The following CREBZF variants were observed in gnomAD, a reference collection of about 807,000 sequenced individuals.
CREBZF encodes the protein HCF-binding transcription factor Zhangfei.
CREBZF carries 8 observed loss-of-function variants against 21.1 expected under a neutral mutation model. The observed-to-expected ratio is 0.38, with a 90% CI of 0.22 to 0.68. The LOEUF (loss-of-function observed/expected upper bound fraction) is 0.68. CREBZF is among the 30% of genes least tolerant of loss of function. The pLI is 0.51. For missense variants in CREBZF, 518 were observed against 484.3 expected, an observed-to-expected ratio of 1.07 and a Z score of -0.65; for synonymous variants, 270 against 223.3, an observed-to-expected ratio of 1.21 and a Z score of -1.86.
intron 1 of CREBZF, among the ~76,000 whole-genome samples, chr11:85,671,754 G>C (rs927071023): frequency 6.6e-6 from 1 of 152,234 alleles, no homozygotes; most frequent in Admixed American, 6.5e-5. Flanking sequence ...CCACGGTCTT[G>C]GGCAGCTCCA....
chr11:85,660,319 T>C lies in CREBZF; in HGVS notation c.*3492A>G, dbSNP rs1161967647. 1 of 199,494 alleles carries C rather than the reference T, an allele frequency of 5.0e-6. No individual in the cohort carries two copies. Among genetic ancestry groups the C allele is most frequent in the South Asian group, 7.0e-5 (1 of 14,244 alleles). The allele number at this position is 199,494 out of a possible 1,614,324, so 12.4% of individuals were successfully genotyped here. A position where few individuals can be genotyped will look rare whatever the true frequency, so the allele number is the denominator to read the frequency against. ...AAGATATGCAATAACTGAGTATCAC[T>C]CCCATGAAAGACAAAAAAAGTATAA... On this transcript the variant is annotated 3_prime_UTR_variant, in exon 1 of 1. Coordinates refer to ENST00000527447, the MANE Select transcript of CREBZF (RefSeq NM_001039618.4).
At position 85,670,554 on chromosome 11, in the gene CREBZF, G is replaced by A. The variant is rs147764531; in HGVS notation, n.148-6953C>T. Reference sequence around the variant, plus strand: ...CCTGACCTCGTGATCCACCCGCCTCGGCCTTCCAAAGTGCTGGATTACAGG... The same window carrying A: ...CCTGACCTCGTGATCCACCCGCCTCAGCCTTCCAAAGTGCTGGATTACAGG... On this transcript the variant is annotated intron_variant and non_coding_transcript_variant, in intron 1 of 3. Transcript: ENST00000531515. Among the ~76,000 whole-genome samples, 800 of 152,086 alleles carry A rather than the reference G, an allele frequency of 5.3e-3. 3 individuals are homozygous for A. Among genetic ancestry groups the A allele is most frequent in the African/African-American group, 0.017 (716 of 41,484 alleles).
intron 1 of CREBZF, among the ~76,000 whole-genome samples, chr11:85,677,527 T>A (rs1360260815): frequency 2.0e-5 from 3 of 152,216 alleles, no homozygotes; most frequent in Non-Finnish European, 4.4e-5. Context: ...CTATTGAATG[T>A]CCCATATTCT....
At chr11:85,670,278 C>G (rs1352411330) in intron 1 of CREBZF, among the ~76,000 whole-genome samples, 2 of 119,882 alleles carry the variant, frequency 1.7e-5, no homozygotes, top group African/African-American at 6.2e-5. Flanking sequence ...AATCCCCCCC[C>G]CCCACAATAA....
At position 85,659,048 on chromosome 11, in the gene CREBZF, A is replaced by G. The variant is rs575609180; in HGVS notation, c.*4763T>C. On this transcript the variant is annotated 3_prime_UTR_variant, in exon 1 of 1. Transcript: ENST00000527447. ...TACTGTGCTGGCCACACAACACTAC[A>G]AATTTCTAATGGAAGAATTCCCTTT... Among the ~76,000 whole-genome samples, 1 of 152,186 alleles carries G rather than the reference A, an allele frequency of 6.6e-6. No homozygotes were observed. The highest frequency in any genetic ancestry group is 1.9e-4 in the East Asian group (1 of 5,194).
intron 1 of CREBZF, among the ~76,000 whole-genome samples, chr11:85,681,037 T>A (rs1194967765): frequency 6.6e-6 from 1 of 152,202 alleles, no homozygotes; most frequent in Non-Finnish European, 1.5e-5. Context: ...CAACATGCCC[T>A]ATGAAGAAGC....
chr11:85,681,505 C>G (rs894048529), intron 1 of CREBZF, among the ~76,000 whole-genome samples: 3 of 152,200 alleles, frequency 2.0e-5, no homozygotes, highest in Non-Finnish European at 4.4e-5. Context: ...TTTTCAAGCT[C>G]TCTTTCATAA....
In CREBZF at chr11:85,663,147, T is replaced by G. The variant is rs1245679754; in HGVS notation, c.*664A>C. 4.8e-6 allele frequency: 1 copy of G among 207,636 alleles called. No homozygotes were observed. The highest frequency in any genetic ancestry group is 5.3e-5 in the Admixed American group (1 of 18,824). The allele number at this position is 207,636 out of a possible 1,614,324, so 12.9% of individuals were successfully genotyped here. A position where few individuals can be genotyped will look rare whatever the true frequency, so the allele number is the denominator to read the frequency against. On this transcript the variant is annotated 3_prime_UTR_variant, in exon 1 of 1. Transcript: ENST00000527447. ...TAAAATCGGAATTCCAATTTGCACC[T>G]TGTACAACTCGGAACTTCCATTCAA...
chr11:85,668,983 C>CA (rs2082890859), upstream of CREBZF, among the ~76,000 whole-genome samples: 2 of 92,462 alleles, frequency 2.2e-5, no homozygotes, highest in Admixed American at 3.2e-4. Context: ...GCCTGGGCGA[C>CA]AGAGCGAGAC....
intron 1 of CREBZF, among the ~76,000 whole-genome samples, chr11:85,670,380 T>G (rs1288138605): frequency 1.5e-5 from 2 of 130,624 alleles, no homozygotes; most frequent in Non-Finnish European, 1.6e-5. Flanking sequence ...CTCTGCTCAC[T>G]GCAAACTCCA....
chr11:85,663,685 G>A lies in CREBZF; in HGVS notation c.*126C>T. 8 of 1,610,024 alleles carry A rather than the reference G, an allele frequency of 5.0e-6. No homozygotes were observed. The highest frequency in any genetic ancestry group is 6.8e-6 in the Non-Finnish European group (8 of 1,178,320). On this transcript the variant is annotated 3_prime_UTR_variant, in exon 1 of 1. Coordinates refer to ENST00000527447, the MANE Select transcript of CREBZF (RefSeq NM_001039618.4). ...TCATGCTTTTAGCTAAACACTTTAA[G>A]ATTCAATATTACTTTTTTTCTCTCC...
intron 1 of CREBZF, among the ~76,000 whole-genome samples, chr11:85,673,159 G>A (rs555600065): frequency 2.0e-5 from 3 of 152,180 alleles, no homozygotes; most frequent in Non-Finnish European, 4.4e-5. Flanking sequence ...ATGAATCCAA[G>A]TCTATCAGAT....
At chr11:85,667,835 T>C (rs2082883030), upstream of CREBZF, among the ~76,000 whole-genome samples, 1 of 152,138 alleles carries the variant, frequency 6.6e-6, no homozygotes, top group South Asian at 2.1e-4. Flanking sequence ...CCAGGTATGG[T>C]GGCACATGCC....
chr11:85,664,435 A>G lies in CREBZF; in HGVS notation c.441T>C (p.Asp147=), dbSNP rs2082791669. ...SDSGGLWRGD[D]DDEAAAAEMQ... The stretch of plus-strand genomic sequence containing the variant: ...TTTCAGCAGCCGCGGCCTCATCGTC[A>G]TCGTCCCCTCTCCACAGGCCGCCGC... Residue 147 remains aspartate, a synonymous_variant, in exon 1 of 1, where the codon GAT becomes GAC. Transcript: ENST00000527447. This position sits in a 1 kb window ranked among gnomAD's most constrained non-coding sequence, Gnocchi z 5.5. The G allele has an allele frequency of 6.2e-7, 1 of 1,613,548 alleles. No homozygotes were observed. The highest frequency in any genetic ancestry group is 8.5e-7 in the Non-Finnish European group (1 of 1,179,958).
rs1565808988 is a variant in CREBZF, at chr11:85,664,228, G to GGAC, written c.647_648insGTC (p.Ala216_Ala217insSer). The GGAC allele has an allele frequency of 6.2e-7, 1 of 1,612,456 alleles. No homozygotes were observed. Among genetic ancestry groups the GGAC allele is most frequent in the Non-Finnish European group, 8.5e-7 (1 of 1,179,734 alleles). ...TCTTCAGTCGATTAAGGCGGGCAGCGGCCGCCGCCGCCTTCCGGGGACTCT... is the reference window on the plus strand; with the variant it reads ...TCTTCAGTCGATTAAGGCGGGCAGCGGACGCCGCCGCCGCCTTCCGGGGACTCT... On this transcript the variant is annotated inframe_insertion, in exon 1 of 1. Coordinates refer to ENST00000527447, the MANE Select transcript of CREBZF (RefSeq NM_001039618.4). The surrounding 1 kb of genome is among the most constrained non-coding windows in gnomAD (Gnocchi z 5.5).
chr11:85,676,995 A>G (rs1002970908), intron 1 of CREBZF, among the ~76,000 whole-genome samples: 2 of 76,710 alleles, frequency 2.6e-5, no homozygotes, highest in African/African-American at 1.1e-4. Flanking sequence ...ACAGAATGTC[A>G]CTCTGTCACC....
In CREBZF at chr11:85,662,681, A is replaced by G; in HGVS notation, c.*1130T>C. 2.6e-6 allele frequency: 1 copy of G among 391,964 alleles called. No individual in the cohort carries two copies. The highest frequency in any genetic ancestry group is 9.4e-5 in the South Asian group (1 of 10,608). The allele number at this position is 391,964 out of a possible 1,614,324, so 24.3% of individuals were successfully genotyped here. A position where few individuals can be genotyped will look rare whatever the true frequency, so the allele number is the denominator to read the frequency against. On this transcript the variant is annotated 3_prime_UTR_variant, in exon 1 of 1. Coordinates refer to ENST00000527447, the MANE Select transcript of CREBZF (RefSeq NM_001039618.4). ...TCAATTTAAAAAATTATTTTAAAAT[A>G]GGACAAATACTTTTGAAACACAGAG...
In CREBZF at chr11:85,663,570, C is replaced by T; in HGVS notation, c.*241G>A. 1 of 1,515,786 alleles carries T rather than the reference C, an allele frequency of 6.6e-7. No homozygotes were observed. The highest frequency in any genetic ancestry group is 9.0e-7 in the Non-Finnish European group (1 of 1,115,360). 93.9% of individuals were successfully genotyped at this position (1,515,786 alleles called of 1,614,324 possible). On this transcript the variant is annotated 3_prime_UTR_variant, in exon 1 of 1. Coordinates refer to ENST00000527447, the MANE Select transcript of CREBZF (RefSeq NM_001039618.4). Reference sequence around the variant, plus strand: ...CTGTTCTGTAACCCCTACAACGGAGCCTGGCAGGAAGGAAATCACCTAAAA... The same window carrying T: ...CTGTTCTGTAACCCCTACAACGGAGTCTGGCAGGAAGGAAATCACCTAAAA...
Position 85,663,611 on chromosome 11 carries a change from A to C in CREBZF, c.*200T>G, listed in dbSNP as rs1381585048. On this transcript the variant is annotated 3_prime_UTR_variant, in exon 1 of 1. Transcript: ENST00000527447. ...TCACCTAAAAAAGAAACTGTCAGAG[A>C]GATTTAATAGTCACATGTTATCATT... 1 of 1,559,842 alleles carries C rather than the reference A, an allele frequency of 6.4e-7. No homozygotes were observed. Among genetic ancestry groups the C allele is most frequent in the Non-Finnish European group, 8.7e-7 (1 of 1,151,724 alleles).
Sources: gnomAD v4.1 joint callset for allele counts (sites outside exome capture counted in the v4.1 genomes callset) on GRCh38, gnomAD v4.1.1 for gene constraint, Gnocchi (gnomAD v3.1) non-coding constraint, MANE v1.5 for transcripts, NCBI Gene and HGNC (gene_info 2026-07-23, HGNC 2026-07-21) for gene names.